NXPH1: variants seen among roughly 807,000 people sequenced by gnomAD.
The protein encoded by NXPH1 is neurexophilin-1.
Under a neutral mutation model 23.7 loss-of-function variants are expected in NXPH1, and 5 were observed. The ratio of observed to expected loss-of-function variants is 0.21; its 90% CI spans 0.11 to 0.44. The LOEUF (loss-of-function observed/expected upper bound fraction) is 0.44. Ranked by LOEUF, NXPH1 falls within the 20% of genes least tolerant of loss-of-function variation. NXPH1 has a pLI of 0.99. For synonymous variants in NXPH1, 144 were observed against 122.2 expected (o/e 1.18, Z -1.18); for missense variants, 324 against 321.6 (o/e 1.01, Z -0.06).
chr7:8,501,674 T>C (rs1481945676), intron 2 of NXPH1, among the ~76,000 whole-genome samples: 1 of 152,002 alleles, frequency 6.6e-6, no homozygotes, highest in Non-Finnish European at 1.5e-5. Flanking sequence ...AATTTTAGGG[T>C]CATAGAGGTT....
Position 8,731,028 on chromosome 7 carries a change from C to A in NXPH1, c.55-19980C>A, listed in dbSNP as rs181966219. Among the ~76,000 whole-genome samples, 147 of 143,844 alleles carry A rather than the reference C, an allele frequency of 1.0e-3. 5 individuals are homozygous for A. The highest frequency in any genetic ancestry group is 3.4e-3 in the Middle Eastern group (1 of 290). The allele number at this position is 143,844 out of a possible 152,430, so 94.4% of individuals were successfully genotyped here. A position where few individuals can be genotyped will look rare whatever the true frequency, so the allele number is the denominator to read the frequency against. ...CACATAGTTCCATATTTCTTGGAGG[C>A]TTTGCTCTTTTCTTTTTATTGTTTT... On this transcript the variant is annotated intron_variant, in intron 2 of 2. Transcript: ENST00000405863.
At chr7:8,550,589 T>C (rs781773522) in intron 2 of NXPH1, among the ~76,000 whole-genome samples, 7 of 151,576 alleles carry the variant, frequency 4.6e-5, no homozygotes, top group African/African-American at 7.3e-5. Flanking sequence ...AAATAATAAC[T>C]CTTGAATAGA....
chr7:8,677,957 T>A (rs945435582), intron 2 of NXPH1, among the ~76,000 whole-genome samples: 2 of 151,932 alleles, frequency 1.3e-5, no homozygotes, highest in Non-Finnish European at 2.9e-5. Flanking sequence ...TTATATATAT[T>A]TTATAACTAT....
chr7:8,743,679 TTTTTC>T (rs1489324234), intron 2 of NXPH1, among the ~76,000 whole-genome samples: 1 of 142,466 alleles, frequency 7.0e-6, no homozygotes, highest in Non-Finnish European at 1.5e-5. Context: ...CAACTCTTTT[TTTTTC>T]TTTTCTTTTT....
chr7:8,461,605 T>C (rs954129749), intron 2 of NXPH1, among the ~76,000 whole-genome samples: 15 of 145,708 alleles, frequency 1.0e-4, no homozygotes, highest in Admixed American at 7.5e-4. Flanking sequence ...CCGAGGCGGG[T>C]GGATCATGAG....
At chr7:8,745,835 A>G (rs1200595667) in intron 2 of NXPH1, among the ~76,000 whole-genome samples, 1 of 148,738 alleles carries the variant, frequency 6.7e-6, no homozygotes, top group Non-Finnish European at 1.5e-5. Context: ...CCAAAGTGCT[A>G]GGATTTCAGG....
At chr7:8,655,446 C>A (rs1335038401) in intron 2 of NXPH1, among the ~76,000 whole-genome samples, 4 of 60,970 alleles carry the variant, frequency 6.6e-5, no homozygotes, top group Non-Finnish European at 1.4e-4. Context: ...CTCTCTCTCT[C>A]TCTATACACA....
At chr7:8,709,143 A>G (rs371949939) in intron 2 of NXPH1, among the ~76,000 whole-genome samples, 1 of 152,190 alleles carries the variant, frequency 6.6e-6, no homozygotes, top group African/African-American at 2.4e-5. Flanking sequence ...AGTATTTGTT[A>G]TTGTTTTCAA....
At chr7:8,732,329 A>G (rs896909011) in intron 2 of NXPH1, among the ~76,000 whole-genome samples, 5 of 152,234 alleles carry the variant, frequency 3.3e-5, no homozygotes, top group Admixed American at 6.5e-5. Context: ...GGAGCTGTAG[A>G]CTGGAGCTGT....
At chr7:8,641,784 ATAATT>A (rs1220124425) in intron 2 of NXPH1, among the ~76,000 whole-genome samples, 1 of 152,182 alleles carries the variant, frequency 6.6e-6, no homozygotes, top group African/African-American at 2.4e-5. Context: ...GTTATATACT[ATAATT>A]TAGTTTTCAT....
chr7:8,696,569 A>C (rs1031051684), intron 2 of NXPH1, among the ~76,000 whole-genome samples: 1 of 152,180 alleles, frequency 6.6e-6, no homozygotes, highest in Non-Finnish European at 1.5e-5. Context: ...TGATAGGCAA[A>C]AGTCAGTCAT....
chr7:8,692,847 T>A (rs1159755480), intron 2 of NXPH1, among the ~76,000 whole-genome samples: 1 of 152,146 alleles, frequency 6.6e-6, no homozygotes, highest in African/African-American at 2.4e-5. Flanking sequence ...GTTAGGTAGA[T>A]GAAATGACCC....
At chr7:8,490,283 G>A (rs1385809015) in intron 2 of NXPH1, among the ~76,000 whole-genome samples, 2 of 152,056 alleles carry the variant, frequency 1.3e-5, no homozygotes, top group Non-Finnish European at 2.9e-5. Flanking sequence ...TTAAAAGAAT[G>A]CATGAATGGT....
intron 2 of NXPH1, among the ~76,000 whole-genome samples, chr7:8,714,766 A>G (rs1046914477): frequency 6.6e-6 from 1 of 152,030 alleles, no homozygotes; most frequent in Non-Finnish European, 1.5e-5. Context: ...TTGGGGCCTC[A>G]CAACTCTGCC....
chr7:8,599,482 C>G (rs1819305269), intron 2 of NXPH1, among the ~76,000 whole-genome samples: 2 of 152,184 alleles, frequency 1.3e-5, no homozygotes, highest in Middle Eastern at 3.4e-3. Context: ...ATTTTCTTGG[C>G]TTAGTGTATG....
At chr7:8,616,281 C>CT (rs1819736470) in intron 2 of NXPH1, among the ~76,000 whole-genome samples, 1 of 127,450 alleles carries the variant, frequency 7.8e-6, no homozygotes, top group African/African-American at 3.6e-5. Flanking sequence ...TGTTCTCTGC[C>CT]CAAACACTTT....
chr7:8,554,580 C>A (rs941517206), intron 2 of NXPH1, among the ~76,000 whole-genome samples: 5 of 151,714 alleles, frequency 3.3e-5, no homozygotes, highest in African/African-American at 1.2e-4. Flanking sequence ...CATACTTCCA[C>A]ATCCTTTCTT....
intron 2 of NXPH1, among the ~76,000 whole-genome samples, chr7:8,690,764 A>T (rs887601097): frequency 4.6e-5 from 7 of 152,196 alleles, no homozygotes; most frequent in Non-Finnish European, 8.8e-5. Context: ...TCTGCTTATC[A>T]GTGTTCCATT....
rs149981703 is a variant in NXPH1 at position 8,743,182 on chromosome 7, GT to G, written c.55-7816del. 4.9e-3 allele frequency among the ~76,000 whole-genome samples: 733 copies of G among 149,486 alleles called. 4 individuals are homozygous for G. The highest frequency in any genetic ancestry group is 0.017 in the African/African-American group (677 of 40,848). ...AGTGAGCAATGTTGCTTGAGCAATA[GT>G]TTTTTTTTTAAACATTTTTGTTTGT... On this transcript the variant is annotated intron_variant, in intron 2 of 2. Coordinates refer to ENST00000405863, the MANE Select transcript of NXPH1 (RefSeq NM_152745.3).
Sources: gnomAD v4.1 joint callset for allele counts (sites outside exome capture counted in the v4.1 genomes callset) on GRCh38, gnomAD v4.1.1 for gene constraint, MANE v1.5 for transcripts, NCBI Gene and HGNC (gene_info 2026-07-23, HGNC 2026-07-21) for gene names.